The following UNC13C variants were observed in gnomAD, a reference collection of about 807,000 sequenced individuals.
UNC13C encodes unc-13 homolog C, also known as protein unc-13 homolog C.
UNC13C carries 174 observed loss-of-function variants against 245.4 expected under a neutral mutation model. The observed-to-expected ratio is 0.71, with a 90% confidence interval of 0.63 to 0.80. The LOEUF is 0.80. Ranked by LOEUF, UNC13C falls within the 30% of genes least tolerant of loss-of-function variation. UNC13C has a pLI of 0.00. For synonymous variants in UNC13C, 992 were observed against 895.1 expected, an observed-to-expected ratio of 1.11 and a Z score of -1.93; for missense variants, 2,829 against 2,602.9, an observed-to-expected ratio of 1.09 and a Z score of -1.89.
chr15:53,920,569 A>C, the UNC13C span, among the ~76,000 whole-genome samples: 1 of 152,184 alleles, frequency 6.6e-6, no homozygotes, highest in Non-Finnish European at 1.5e-5. Flanking sequence ...ATAATAAATA[A>C]AAAGCAAAAT....
intron 14 of UNC13C, among the ~76,000 whole-genome samples, chr15:54,324,040 T>C (rs2038232435): frequency 6.6e-6 from 1 of 152,066 alleles, no homozygotes; most frequent in South Asian, 2.1e-4. Flanking sequence ...AGTGTAGTTA[T>C]AACAAACTTC....
At chr15:54,379,582 T>G (rs2039677339) in intron 17 of UNC13C, among the ~76,000 whole-genome samples, 1 of 152,184 alleles carries the variant, frequency 6.6e-6, no homozygotes, top group African/African-American at 2.4e-5. Context: ...AGCAGTGCTA[T>G]GTATGTAAGG....
intron 7 of UNC13C, among the ~76,000 whole-genome samples, chr15:54,247,500 GAA>G (rs796713860): frequency 6.6e-6 from 1 of 151,946 alleles, no homozygotes; most frequent in African/African-American, 2.4e-5. Context: ...ATACTTTGCT[GAA>G]AAAAGAGTGT....
the UNC13C span, among the ~76,000 whole-genome samples, chr15:53,908,507 G>A: frequency 1.4e-5 from 2 of 145,482 alleles, no homozygotes; most frequent in African/African-American, 2.4e-5. Context: ...AGGAGGCTGA[G>A]GTGGACAGAT....
rs142541996 is a variant in UNC13C at position 54,264,787 on chromosome 15, G to A, written c.3676+392G>A. Among the ~76,000 whole-genome samples the A allele has an allele frequency of 2.4e-3, 357 of 151,716 alleles. 2 individuals are homozygous for A. Among genetic ancestry groups the A allele is most frequent in the African/African-American group, 8.3e-3 (344 of 41,418 alleles). On this transcript the variant is annotated intron_variant, in intron 9 of 32. Coordinates refer to ENST00000260323, the MANE Select transcript of UNC13C (RefSeq NM_001080534.3). ...CTGGCTCAACATCCCTCATCCATTTGGTCCTCGAGTCAGGACAATTTGAGT... is the reference window on the plus strand; with the variant it reads ...CTGGCTCAACATCCCTCATCCATTTAGTCCTCGAGTCAGGACAATTTGAGT...
At chr15:54,153,409 G>C (rs2032610758) in intron 4 of UNC13C, among the ~76,000 whole-genome samples, 1 of 151,870 alleles carries the variant, frequency 6.6e-6, no homozygotes, top group African/African-American at 2.4e-5. Context: ...AATTCTTGTA[G>C]CAACTTTTGG....
At chr15:54,459,070 G>C (rs772664173) in intron 19 of UNC13C, among the ~76,000 whole-genome samples, 16 of 152,026 alleles carry the variant, frequency 1.1e-4, no homozygotes, top group Non-Finnish European at 2.1e-4. Flanking sequence ...CTTTTTAACA[G>C]TTCCTGTAGT....
chr15:54,438,268 G>A (rs571874926), intron 19 of UNC13C, among the ~76,000 whole-genome samples: 8 of 151,994 alleles, frequency 5.3e-5, no homozygotes, highest in African/African-American at 1.7e-4. Context: ...TCTCTGAAGC[G>A]TGTCTTCTAA....
chr15:54,179,003 T>G (rs959786565), intron 4 of UNC13C, among the ~76,000 whole-genome samples: 2 of 152,122 alleles, frequency 1.3e-5, no homozygotes, highest in Non-Finnish European at 2.9e-5. Flanking sequence ...CATAGTTATT[T>G]AGAGATCAGG....
At position 54,623,934 on chromosome 15, in the gene UNC13C, G is replaced by A. The variant is rs766646719; in HGVS notation, c.6339G>A (p.Lys2113=). ...TKTKSNTWSP[K]YNETFQFILG... Reference sequence around the variant, plus strand: ...CAAAAAGCAACACATGGTCACCAAAGTACAATGAAACATTTCAGTTGTAAG... The same window carrying A: ...CAAAAAGCAACACATGGTCACCAAAATACAATGAAACATTTCAGTTGTAAG... The change falls in exon 32 of 33, where the codon AAG becomes AAA. Residue 2113 remains lysine, a synonymous_variant. Coordinates refer to ENST00000260323, the MANE Select transcript of UNC13C (RefSeq NM_001080534.3). The A allele has an allele frequency of 1.9e-6, 3 of 1,613,104 alleles. No individual in the cohort carries two copies. The highest frequency in any genetic ancestry group is 2.5e-6 in the Non-Finnish European group (3 of 1,179,322).
chr15:54,356,522 T>C lies in UNC13C; in HGVS notation c.4713+18033T>C, dbSNP rs145131468. ...GGGAAGTTCAAGATCAAGATGCCCA[T>C]AGATATAGCGTCTGGTGGGATATGC... On this transcript the variant is annotated intron_variant, in intron 17 of 32. Transcript: ENST00000260323. Among the ~76,000 whole-genome samples, 420 of 152,260 alleles carry C rather than the reference T, an allele frequency of 2.8e-3. 1 individual carries two copies. Among genetic ancestry groups the C allele is most frequent in the Admixed American group, 5.2e-3 (79 of 15,304 alleles).
intron 8 of UNC13C, among the ~76,000 whole-genome samples, chr15:54,253,879 C>G (rs950680369): frequency 1.8e-4 from 27 of 152,162 alleles, no homozygotes; most frequent in African/African-American, 6.0e-4. Flanking sequence ...AATCATGGCA[C>G]TTTCCTTACA....
At chr15:54,047,277 C>A (rs1897079746) in intron 2 of UNC13C, among the ~76,000 whole-genome samples, 1 of 151,816 alleles carries the variant, frequency 6.6e-6, no homozygotes, top group Admixed American at 6.6e-5. Context: ...CAAAATTTAC[C>A]ATTTTAACCA....
chr15:54,545,542 A>G (rs1325178684), intron 26 of UNC13C, among the ~76,000 whole-genome samples: 2 of 152,266 alleles, frequency 1.3e-5, no homozygotes, highest in East Asian at 1.9e-4. Context: ...TGTTTGCAAT[A>G]TATCCATCTG....
At chr15:54,284,469 A>T (rs2037088516) in intron 10 of UNC13C, among the ~76,000 whole-genome samples, 1 of 152,222 alleles carries the variant, frequency 6.6e-6, no homozygotes, top group Non-Finnish European at 1.5e-5. Context: ...ATGAATCTTT[A>T]TGTGGGTTTT....
rs1298066928 is a variant in UNC13C at position 54,012,783 on chromosome 15, C to T, written c.-121C>T. Reference sequence around the variant, plus strand: ...ATGTGGCAGAGCCATGCCTGCCCTTCCTGCTCTTTCCAGTGATTCACAGAA... The same window carrying T: ...ATGTGGCAGAGCCATGCCTGCCCTTTCTGCTCTTTCCAGTGATTCACAGAA... On this transcript the variant is annotated 5_prime_UTR_variant, in exon 2 of 33. Transcript: ENST00000260323. 5.2e-6 allele frequency: 4 copies of T among 769,584 alleles called. No homozygotes were observed. The highest frequency in any genetic ancestry group is 1.8e-5 in the African/African-American group (1 of 56,958). The allele number at this position is 769,584 out of a possible 1,614,324, so 47.7% of individuals were successfully genotyped here. A position where few individuals can be genotyped will look rare whatever the true frequency, so the allele number is the denominator to read the frequency against.
intron 19 of UNC13C, among the ~76,000 whole-genome samples, chr15:54,478,452 C>T (rs1309068908): frequency 2.6e-4 from 38 of 143,554 alleles, no homozygotes; most frequent in African/African-American, 9.2e-4. Context: ...GCATTTAGTG[C>T]TATAAATTTC....
chr15:54,358,651 G>A (rs186122468), intron 17 of UNC13C, among the ~76,000 whole-genome samples: 1 of 152,068 alleles, frequency 6.6e-6, no homozygotes, highest in African/African-American at 2.4e-5. Context: ...ATTTTTATAT[G>A]CTAATTTTGT....
intron 30 of UNC13C, among the ~76,000 whole-genome samples, chr15:54,584,267 G>A (rs1898365116): frequency 6.6e-6 from 1 of 152,160 alleles, no homozygotes; most frequent in Non-Finnish European, 1.5e-5. Context: ...TGTAAAATGT[G>A]TTTATGATTT....
Sources: allele counts gnomAD v4.1 joint callset (sites outside exome capture counted in the v4.1 genomes callset), GRCh38; gene constraint gnomAD v4.1.1; transcripts MANE v1.5; gene names NCBI Gene and HGNC (gene_info 2026-07-23, HGNC 2026-07-21).